The following RPN2 variants were observed in gnomAD, a reference collection of about 807,000 sequenced individuals.
The protein encoded by RPN2 is ribophorin II.
Under a neutral mutation model 71.4 loss-of-function variants are expected in RPN2, and 29 were observed. The observed-to-expected ratio is 0.41, with a 90% confidence interval of 0.30 to 0.55. RPN2 has a LOEUF of 0.55. Among genes scored for constraint, RPN2 ranks in the 20% least tolerant of loss-of-function variants. The pLI, the probability that RPN2 is intolerant of heterozygous loss-of-function variation, is 0.35. For missense variants in RPN2, 726 were observed against 774.1 expected (o/e 0.94, Z 0.74); for synonymous variants, 308 against 305.0 (o/e 1.01, Z -0.10).
At chr20:37,221,490 G>A (rs888896817) in intron 9 of RPN2, among the ~76,000 whole-genome samples, 1 of 152,096 alleles carries the variant, frequency 6.6e-6, no homozygotes, top group Non-Finnish European at 1.5e-5. Flanking sequence ...GAGCCACCAC[G>A]CCCGGCCTAG....
chr20:37,228,893 C>T (rs2068157619), intron 12 of RPN2, 149 bp downstream of exon 12: 2 of 726,152 alleles, frequency 2.8e-6, no homozygotes, highest in Admixed American at 2.1e-5. Context: ...TGTGCAGTCT[C>T]CATAAATAGT....
At chr20:37,224,837 C>G (rs2068041612) in intron 10 of RPN2, among the ~76,000 whole-genome samples, 1 of 152,168 alleles carries the variant, frequency 6.6e-6, no homozygotes, top group Admixed American at 6.5e-5. Flanking sequence ...AGCAGCTACT[C>G]CTTTTAAATC....
rs534546419 is a variant in RPN2, at chr20:37,229,402, A to G, written c.1495-571A>G. Among the ~76,000 whole-genome samples, 19 of 152,288 alleles carry G rather than the reference A, an allele frequency of 1.2e-4. No individual in the cohort carries two copies. The East Asian group carries it at 3.7e-3, about 29-fold the overall frequency. ...AAGAGCTCAAGGTGCTTTCAGTGCA[A>G]TGGGAGCGGTTGTGTTTTGCCAGAG... On this transcript the variant is annotated intron_variant, in intron 12 of 16. Transcript: ENST00000237530.
At chr20:37,193,042 C>T (rs1205239028) in intron 2 of RPN2, among the ~76,000 whole-genome samples, 2 of 152,102 alleles carry the variant, frequency 1.3e-5, no homozygotes, top group African/African-American at 2.4e-5. Flanking sequence ...GATGGAGGAT[C>T]GCTGGAGCCC....
chr20:37,209,118 C>T lies in RPN2; in HGVS notation c.868-929C>T, dbSNP rs148527144. 6.9e-4 allele frequency among the ~76,000 whole-genome samples: 105 copies of T among 152,314 alleles called. 1 individual carries two copies. The East Asian group carries it at 0.016, about 24-fold the overall frequency. ...CTGGCCATGTGACCTTTAGCAGTCC[C>T]TTAACCTCTTGTGGCTTGTTTCTTC... is the stretch of plus-strand genomic sequence containing the variant. On this transcript the variant is annotated intron_variant, in intron 7 of 16. Coordinates refer to ENST00000237530, the MANE Select transcript of RPN2 (RefSeq NM_002951.5).
At chr20:37,187,712 C>T (rs2067041819) in intron 2 of RPN2, among the ~76,000 whole-genome samples, 1 of 151,976 alleles carries the variant, frequency 6.6e-6, no homozygotes, top group Non-Finnish European at 1.5e-5. Context: ...GTGATCTCTG[C>T]TCACTGTGAC....
chr20:37,218,760 C>A (rs1421327295), intron 9 of RPN2, among the ~76,000 whole-genome samples: 1 of 152,112 alleles, frequency 6.6e-6, no homozygotes, highest in East Asian at 1.9e-4. Flanking sequence ...TAAATGAAAT[C>A]ATACAATAGG....
At chr20:37,238,543 A>G (rs1162339944) in intron 16 of RPN2, 14 of 894,924 alleles carry the variant, frequency 1.6e-5, no homozygotes, top group South Asian at 5.6e-5. Flanking sequence ...TTTTCAGCCC[A>G]CTTGCTCCTC....
intron 15 of RPN2, among the ~76,000 whole-genome samples, chr20:37,236,155 G>A (rs1378835733): frequency 2.0e-5 from 3 of 151,870 alleles, no homozygotes; most frequent in Non-Finnish European, 4.4e-5. Context: ...GTACAGTGGT[G>A]TGATCAAGCT....
chr20:37,229,794 CTTGTT>C (rs1363748788), intron 12 of RPN2, 174 bp from the exon 13 acceptor site: 1 of 654,772 alleles, frequency 1.5e-6, no homozygotes, highest in Admixed American at 2.4e-5. Context: ...TCAGCAAATA[CTTGTT>C]TTGTTCTTAA....
At chr20:37,194,366 A>T (rs2067209753) in intron 2 of RPN2, among the ~76,000 whole-genome samples, 2 of 152,104 alleles carry the variant, frequency 1.3e-5, no homozygotes. Context: ...GGTTCAAGCG[A>T]TTCTTCTACC....
chr20:37,232,204 T>C (rs981685220), intron 13 of RPN2, 92 bp from the exon 14 acceptor site: 2 of 1,501,340 alleles, frequency 1.3e-6, no homozygotes, highest in African/African-American at 2.8e-5. Context: ...ATCCTCTTCA[T>C]GACTGACATT....
In RPN2 at chr20:37,204,575, C is replaced by T. The variant is rs563782014; in HGVS notation, c.556-192C>T. ...CCAAAACTGCAGAAGATAGTGCTCT[C>T]CTCAAATGTCTGTTTGATATACTTT... On this transcript the variant is annotated intron_variant, in intron 5 of 16. Transcript: ENST00000237530. Among the ~76,000 whole-genome samples, 3 of 152,312 alleles carry T rather than the reference C, an allele frequency of 2.0e-5. No individual in the cohort carries two copies. In the South Asian group the frequency reaches 6.2e-4, roughly 32 times the overall value.
At position 37,202,271 on chromosome 20, in the gene RPN2, A is replaced by G. The variant is rs190113472; in HGVS notation, c.480-1614A>G. ...ATTCAGGTTTCATTTTCTCAAGTGT[A>G]TGATAACAGCAAGCATCCCATAGGT... On this transcript the variant is annotated intron_variant, in intron 4 of 16. Transcript: ENST00000237530. 3.2e-3 allele frequency among the ~76,000 whole-genome samples: 490 copies of G among 152,312 alleles called. 5 individuals carry two copies. Among genetic ancestry groups the G allele is most frequent in the Non-Finnish European group, 3.6e-3 (245 of 68,038 alleles).
At chr20:37,196,844 G>T (rs1377883549) in intron 2 of RPN2, among the ~76,000 whole-genome samples, 1 of 152,252 alleles carries the variant, frequency 6.6e-6, no homozygotes, top group South Asian at 2.1e-4. Context: ...TTTCCTTTGT[G>T]CCAGTCACTG....
chr20:37,219,437 T>C (rs2146646455), intron 9 of RPN2, among the ~76,000 whole-genome samples: 1 of 152,332 alleles, frequency 6.6e-6, no homozygotes, highest in South Asian at 2.1e-4. Context: ...TTTATATTAT[T>C]GAGTTGTAAG....
chr20:37,208,322 C>T (rs1451682098), intron 7 of RPN2, among the ~76,000 whole-genome samples: 4 of 150,650 alleles, frequency 2.7e-5, no homozygotes, highest in Non-Finnish European at 5.9e-5. Context: ...TATTGCATTT[C>T]TAGGTCTATA....
At chr20:37,216,232 G>A (rs1000633924) in intron 9 of RPN2, among the ~76,000 whole-genome samples, 12 of 152,018 alleles carry the variant, frequency 7.9e-5, no homozygotes, top group African/African-American at 1.4e-4. Context: ...CCAGCTACTC[G>A]GGAGGCTGAA....
rs371416564 is a variant in RPN2, at chr20:37,241,329, A to G, written c.*14A>G. The G allele has an allele frequency of 1.4e-5, 23 of 1,612,770 alleles. No homozygotes were observed. In the Middle Eastern group the frequency reaches 5.0e-4, roughly 35 times the overall value. ...ACAGCACATTAGTTCCAGAAGAAAG[A>G]TGGAAATTCTGAAAACTGAATGTCA... is the stretch of plus-strand genomic sequence containing the variant. On this transcript the variant is annotated 3_prime_UTR_variant, in exon 17 of 17. Coordinates refer to ENST00000237530, the MANE Select transcript of RPN2 (RefSeq NM_002951.5).
Sources: gnomAD v4.1 joint callset for allele counts (sites outside exome capture counted in the v4.1 genomes callset) on GRCh38, gnomAD v4.1.1 for gene constraint, MANE v1.5 for transcripts, NCBI Gene and HGNC (gene_info 2026-07-23, HGNC 2026-07-21) for gene names.